FGD1: variants seen among roughly 807,000 people sequenced by gnomAD.
The protein encoded by FGD1 is FYVE, RhoGEF and PH domain containing 1, also known as FYVE, RhoGEF and PH domain-containing protein 1.
A neutral mutation model predicts 65.0 loss-of-function variants in FGD1; 12 were observed. That is an observed-to-expected ratio of 0.18 (90% CI 0.12 to 0.30). The LOEUF (loss-of-function observed/expected upper bound fraction) is 0.30. FGD1 is among the 10% of genes least tolerant of loss of function. The probability of loss-of-function intolerance (pLI) is 1.00; values close to 1 mark genes in which losing one functional copy is unlikely to be tolerated. For missense variants in FGD1, 542 were observed against 837.6 expected (o/e 0.65, Z 4.36); for synonymous variants, 333 against 343.9 (o/e 0.97, Z 0.35).
rs727503925 is a variant in FGD1 at position 54,446,209 on chromosome X, G to A, written c.2786C>T (p.Pro929Leu). The change falls in exon 18 of 18, where the codon CCC becomes CTC. Residue 929 changes from proline to leucine, a missense_variant. Pro to Leu is a moderately conservative substitution (Grantham distance 98). Transcript: ENST00000375135. ...CATCTCCCTGTCCTCAGACAGTGTGGGCCCCGGGCAGAACGTGTCCCCTCG... is the reference window on the plus strand; with the variant it reads ...CATCTCCCTGTCCTCAGACAGTGTGAGCCCCGGGCAGAACGTGTCCCCTCG... Reference protein sequence around the residue: ...AGRGDTFCPGPTLSEDREMEE... With the variant: ...AGRGDTFCPGLTLSEDREMEE... 7.5e-5 allele frequency: 91 copies of A among 1,210,178 alleles called. No homozygotes were observed. The highest frequency in any genetic ancestry group is 9.3e-5 in the Non-Finnish European group (83 of 895,107).
At chrX:54,448,044 T>C (rs1209145047) in intron 16 of FGD1, among the ~76,000 whole-genome samples, 1 of 112,056 alleles carries the variant, frequency 8.9e-6, no homozygotes, top group Non-Finnish European at 1.9e-5. Context: ...CTCCAAAATG[T>C]GTGTTTGTGC....
intron 1 of FGD1, among the ~76,000 whole-genome samples, chrX:54,482,236 GCA>G (rs759070309): frequency 0.027 from 2,652 of 99,142 alleles, 22 homozygotes; most frequent in Non-Finnish European, 0.031. Context: ...GCACACGCGC[GCA>G]CACACACACA....
In FGD1 at chrX:54,465,900, C is replaced by A. The variant is rs754631608; in HGVS notation, c.1341-48G>T. 8.4e-6 allele frequency: 10 copies of A among 1,187,710 alleles called. No homozygotes were observed. In the South Asian group the frequency reaches 1.8e-4, roughly 21 times the overall value. On this transcript the variant is annotated intron_variant, in intron 6 of 17. Coordinates refer to ENST00000375135, the MANE Select transcript of FGD1 (RefSeq NM_004463.3). ...TGTGGTCCTGCTGCTCTTTGCCCCT[C>A]AGAAACTTCCCCCACAAGTTTCCAG... is the stretch of plus-strand genomic sequence containing the variant.
Position 54,456,336 on chromosome X carries a change from C to T in FGD1, c.1726G>A (p.Glu576Lys). The T allele has an allele frequency of 8.3e-7, 1 of 1,211,520 alleles. No individual in the cohort carries two copies. The highest frequency in any genetic ancestry group is 1.1e-6 in the Non-Finnish European group (1 of 895,483). Residue 576 changes from glutamate (E) to lysine (K), a missense_variant, in exon 10 of 18, where the codon GAG becomes AAG. By Grantham distance (56) the Glu-to-Lys change is moderately conservative (BLOSUM62 1). Coordinates refer to ENST00000375135, the MANE Select transcript of FGD1 (RefSeq NM_004463.3). ...ERMHKLLKVY[E>K]LLGGEEDIVS... ...ATGTCCTCCTCGCCCCCTAACAGCT[C>T]ATATACCTTCAGCAGCTTATGCATT...
intron 8 of FGD1, among the ~76,000 whole-genome samples, chrX:54,457,400 A>G (rs905183309): frequency 8.9e-6 from 1 of 111,875 alleles, no homozygotes; most frequent in Non-Finnish European, 1.9e-5. Flanking sequence ...TTTTTGTCAT[A>G]TTGGTATTTA....
intron 1 of FGD1, among the ~76,000 whole-genome samples, chrX:54,491,058 G>A (rs993487527): frequency 1.8e-5 from 2 of 110,717 alleles, no homozygotes; most frequent in Non-Finnish European, 3.8e-5. Context: ...TAAACCCTTC[G>A]ATGGTTTCTC....
In FGD1 at chrX:54,445,898, A is replaced by G. The variant is rs769298772; in HGVS notation, c.*211T>C. The G allele has an allele frequency of 3.4e-5, 14 of 414,855 alleles. No homozygotes were observed. Among genetic ancestry groups the G allele is most frequent in the Non-Finnish European group, 5.4e-5 (13 of 239,650 alleles). The allele number at this position is 414,855 out of a possible 1,213,427, so 34.2% of individuals were successfully genotyped here. On this transcript the variant is annotated 3_prime_UTR_variant, in exon 18 of 18. Transcript: ENST00000375135. ...CCCTCCCTGGGGACAGGGATTAATA[A>G]AAATTGACATCACTGTAGGAATATA...
chrX:54,445,777 T>G lies in FGD1; in HGVS notation c.*332A>C. 1 of 193,024 alleles carries G rather than the reference T, an allele frequency of 5.2e-6. No homozygotes were observed. Among genetic ancestry groups the G allele is most frequent in the Admixed American group, 7.6e-5 (1 of 13,105 alleles). 15.9% of individuals were successfully genotyped at this position (193,024 alleles called of 1,213,427 possible). On this transcript the variant is annotated 3_prime_UTR_variant, in exon 18 of 18. Transcript: ENST00000375135. The stretch of plus-strand genomic sequence containing the variant: ...ATCCAGGTCTCCTACCTCTGGTGCT[T>G]TGTGGGGAACTGGGTGGAGGCAGGA...
Position 54,447,422 on chromosome X carries a change from G to T in FGD1, c.2469C>A (p.Val823=). Residue 823 remains valine (V), a synonymous_variant, in exon 17 of 18, where the codon GTC becomes GTA. Coordinates refer to ENST00000375135, the MANE Select transcript of FGD1 (RefSeq NM_004463.3). Reference sequence around the variant, plus strand: ...CCATGTAGTGCAGGAAGCTGCAGATGACGCTGTTCTCTGCAGCCACTGAGG... The same window carrying T: ...CCATGTAGTGCAGGAAGCTGCAGATTACGCTGTTCTCTGCAGCCACTGAGG... ...KQASVAAENS[V]ICSFLHYMEK... 8.3e-7 allele frequency: 1 copy of T among 1,210,763 alleles called. No individual in the cohort carries two copies. Among genetic ancestry groups the T allele is most frequent in the Non-Finnish European group, 1.1e-6 (1 of 894,606 alleles).
chrX:54,481,459 C>T (rs1422308441), intron 1 of FGD1, among the ~76,000 whole-genome samples: 1 of 95,601 alleles, frequency 1.0e-5, no homozygotes, highest in African/African-American at 3.9e-5. Context: ...CGTATGGCAT[C>T]CTCCTAATGA....
chrX:54,481,949 A>C (rs1923150669), intron 1 of FGD1, among the ~76,000 whole-genome samples: 3 of 110,327 alleles, frequency 2.7e-5, no homozygotes, highest in Admixed American at 9.7e-5. Flanking sequence ...GGGCATGCAG[A>C]GGCAGACGCA....
intron 1 of FGD1, among the ~76,000 whole-genome samples, chrX:54,482,947 G>A (rs778900707): frequency 2.7e-5 from 3 of 112,168 alleles, no homozygotes; most frequent in Non-Finnish European, 5.6e-5. Flanking sequence ...AAGGGCTGGG[G>A]ATGGATCTGT....
chrX:54,465,688 C>T lies in FGD1; in HGVS notation c.1497+8G>A, dbSNP rs1922742692. 1 of 1,211,529 alleles carries T rather than the reference C, an allele frequency of 8.3e-7. No homozygotes were observed. Among genetic ancestry groups the T allele is most frequent in the African/African-American group, 1.7e-5 (1 of 57,691 alleles). On this transcript the variant is annotated splice_region_variant and intron_variant, in intron 7 of 17. Coordinates refer to ENST00000375135, the MANE Select transcript of FGD1 (RefSeq NM_004463.3). The stretch of plus-strand genomic sequence containing the variant: ...CCCAAGTCTGCTCCTTCCAGCTTGA[C>T]CACTTACCTGCACCTCATGGATGAT...
intron 1 of FGD1, among the ~76,000 whole-genome samples, chrX:54,476,317 G>A (rs1426759344): frequency 9.5e-6 from 1 of 105,702 alleles, no homozygotes; most frequent in Non-Finnish European, 1.9e-5. Context: ...GCCCCATCCC[G>A]TCCCTACCCA....
At chrX:54,482,303 C>T (rs995808994) in intron 1 of FGD1, among the ~76,000 whole-genome samples, 1 of 110,303 alleles carries the variant, frequency 9.1e-6, no homozygotes, top group Non-Finnish European at 1.9e-5. Flanking sequence ...GCACAAGCAG[C>T]CCATCCCTCT....
chrX:54,447,058 C>G (rs1366043574), intron 17 of FGD1, among the ~76,000 whole-genome samples: 1 of 111,547 alleles, frequency 9.0e-6, no homozygotes, highest in Non-Finnish European at 1.9e-5. Context: ...CAAATTGGAC[C>G]TAGCAGTTCC....
At chrX:54,468,936 C>G (rs774825715) in intron 4 of FGD1, 60 bp from the exon 5 acceptor site, 2 of 881,068 alleles carry the variant, frequency 2.3e-6, no homozygotes, top group Admixed American at 4.9e-5. Context: ...CTCACCCAAG[C>G]CCCCAGAATT....
Position 54,495,094 on chromosome X carries a change from G to A in FGD1, c.307+32C>T, listed in dbSNP as rs1241003573. ...GCTCCCAGTACCAGGCCCGTGGCCC[G>A]GGCTCCCATGCTCTCTCAGTCGCTC... is the stretch of plus-strand genomic sequence containing the variant. On this transcript the variant is annotated intron_variant, in intron 1 of 17. Transcript: ENST00000375135. 5.2e-6 allele frequency: 6 copies of A among 1,158,977 alleles called. No individual in the cohort carries two copies. The Admixed American group carries it at 1.5e-4, about 30-fold the overall frequency.
At chrX:54,484,373 G>A (rs2147443140) in intron 1 of FGD1, among the ~76,000 whole-genome samples, 1 of 110,802 alleles carries the variant, frequency 9.0e-6, no homozygotes, top group South Asian at 3.9e-4. Flanking sequence ...GATAGTGACT[G>A]TCTTGTTGCC....
Sources: gnomAD v4.1 joint callset for allele counts (sites outside exome capture counted in the v4.1 genomes callset) on GRCh38, gnomAD v4.1.1 for gene constraint, MANE v1.5 for transcripts, NCBI Gene and HGNC (gene_info 2026-07-23, HGNC 2026-07-21) for gene names.